The following TRPC1 variants were observed in gnomAD, a reference collection of about 807,000 sequenced individuals.
TRPC1 encodes transient receptor potential cation channel subfamily C member 1.
TRPC1 carries 42 observed loss-of-function variants against 88.2 expected under a neutral mutation model. That is an observed-to-expected ratio of 0.48 (90% CI 0.37 to 0.62). The LOEUF is 0.62. Among genes scored for constraint, TRPC1 ranks in the 20% least tolerant of loss-of-function variants. The pLI, the probability that TRPC1 is intolerant of heterozygous loss-of-function variation, is 0.00. For synonymous variants in TRPC1, 288 were observed against 331.8 expected (o/e 0.87, Z 1.43); for missense variants, 699 against 957.3 (o/e 0.73, Z 3.56).
At chr3:142,793,777 G>T (rs1369586023) in intron 9 of TRPC1, 1 of 834,642 alleles carries the variant, frequency 1.2e-6, no homozygotes, top group Non-Finnish European at 1.4e-6. Flanking sequence ...TAACAATTTA[G>T]ATTGTCTCAT....
chr3:142,758,316 A>G (rs1197605251), intron 4 of TRPC1, among the ~76,000 whole-genome samples: 1 of 152,112 alleles, frequency 6.6e-6, no homozygotes, highest in Non-Finnish European at 1.5e-5. Context: ...TGCCATTCTG[A>G]TACAAACTAT....
intron 1 of TRPC1, among the ~76,000 whole-genome samples, chr3:142,731,507 C>A (rs867866017): frequency 1.3e-5 from 2 of 151,072 alleles, no homozygotes; most frequent in African/African-American, 4.9e-5. Context: ...GCCTCAGCCT[C>A]CCAAGTAGCT....
At chr3:142,758,059 ATTCT>A (rs112425030) in intron 4 of TRPC1, among the ~76,000 whole-genome samples, 34 of 152,162 alleles carry the variant, frequency 2.2e-4, no homozygotes, top group African/African-American at 7.5e-4. Context: ...ACTAGGTCTT[ATTCT>A]TTCTATTTTT....
At chr3:142,739,193 C>T (rs181604008) in intron 2 of TRPC1, among the ~76,000 whole-genome samples, 5 of 152,168 alleles carry the variant, frequency 3.3e-5, no homozygotes, top group East Asian at 3.9e-4. Context: ...AGGCTGGTCT[C>T]GAACTCCTGA....
rs1324003168 is a variant in TRPC1, at chr3:142,724,503, T to TCGGGGC, written c.-53_-48dup. 4 of 1,413,620 alleles carry TCGGGGC rather than the reference T, an allele frequency of 2.8e-6. No homozygotes were observed. Among genetic ancestry groups the TCGGGGC allele is most frequent in the Non-Finnish European group, 3.7e-6 (4 of 1,083,884 alleles). The allele number at this position is 1,413,620 out of a possible 1,614,324, so 87.6% of individuals were successfully genotyped here. ...GGCGTGGCTGGGGTCGGGGTCGGGG[T>TCGGGGC]CGGGGCCGGTGGGGGCCCCGCCCCC... is the stretch of plus-strand genomic sequence containing the variant. On this transcript the variant is annotated 5_prime_UTR_variant, in exon 1 of 13. Transcript: ENST00000476941. The surrounding 1 kb of genome is among the most constrained non-coding windows in gnomAD (Gnocchi z 5.6).
chr3:142,753,150 G>A (rs1934838498), intron 4 of TRPC1, among the ~76,000 whole-genome samples: 1 of 152,216 alleles, frequency 6.6e-6, no homozygotes, highest in African/African-American at 2.4e-5. Flanking sequence ...CTTACAGGTT[G>A]AAGCTAGAGA....
chr3:142,774,967 A>T (rs1306244566), intron 4 of TRPC1, among the ~76,000 whole-genome samples: 2 of 152,188 alleles, frequency 1.3e-5, no homozygotes, highest in African/African-American at 4.8e-5. Flanking sequence ...ATCTTGAGAC[A>T]TGATAAAGTA....
chr3:142,805,042 A>G (rs748022241), intron 12 of TRPC1, among the ~76,000 whole-genome samples: 1 of 151,816 alleles, frequency 6.6e-6, no homozygotes, highest in Non-Finnish European at 1.5e-5. Flanking sequence ...TGGAGGTTGC[A>G]GTGAGCCAGG....
At chr3:142,763,820 T>C (rs1430291262) in intron 4 of TRPC1, among the ~76,000 whole-genome samples, 1 of 151,594 alleles carries the variant, frequency 6.6e-6, no homozygotes, top group Non-Finnish European at 1.5e-5. Context: ...TTTTAATTTA[T>C]TGATGTTTAT....
chr3:142,781,370 G>A (rs1251618860), intron 6 of TRPC1, among the ~76,000 whole-genome samples: 1 of 152,056 alleles, frequency 6.6e-6, no homozygotes, highest in Non-Finnish European at 1.5e-5. Flanking sequence ...CTTTGTAGTA[G>A]GTACAAACTT....
chr3:142,789,440 T>C (rs991410026), intron 7 of TRPC1, among the ~76,000 whole-genome samples: 1 of 152,224 alleles, frequency 6.6e-6, no homozygotes, highest in African/African-American at 2.4e-5. Context: ...ATGTTTTTCC[T>C]GTCAAATCTG....
intron 4 of TRPC1, among the ~76,000 whole-genome samples, chr3:142,753,467 C>CA (rs1560100365): frequency 6.6e-6 from 1 of 152,020 alleles, no homozygotes; most frequent in Non-Finnish European, 1.5e-5. Flanking sequence ...AGGAGGTTAA[C>CA]AAAATTAGTA....
chr3:142,768,513 G>C (rs1935472494), intron 4 of TRPC1, among the ~76,000 whole-genome samples: 1 of 151,962 alleles, frequency 6.6e-6, no homozygotes, highest in Admixed American at 6.6e-5. Flanking sequence ...TGTACTATTG[G>C]ATCTTGCTTT....
chr3:142,801,351 A>G (rs1004507902), intron 9 of TRPC1: 7 of 151,826 alleles, frequency 4.6e-5, no homozygotes, highest in African/African-American at 1.5e-4. Flanking sequence ...CAATGTTGCA[A>G]TGTAAATCCT....
intron 1 of TRPC1, among the ~76,000 whole-genome samples, chr3:142,735,976 A>G (rs541486642): frequency 1.3e-5 from 2 of 152,160 alleles, no homozygotes; most frequent in South Asian, 2.1e-4. Flanking sequence ...GTAAATATCT[A>G]TGTATATTTG....
At chr3:142,790,253 A>C (rs762209368) in intron 7 of TRPC1, among the ~76,000 whole-genome samples, 6 of 152,128 alleles carry the variant, frequency 3.9e-5, no homozygotes, top group Non-Finnish European at 7.3e-5. Flanking sequence ...GGCCAGCGCG[A>C]CTAGAATAGT....
chr3:142,766,129 C>T (rs967412960), intron 4 of TRPC1, among the ~76,000 whole-genome samples: 8 of 151,880 alleles, frequency 5.3e-5, no homozygotes, highest in African/African-American at 1.9e-4. Flanking sequence ...TGATTACTAT[C>T]GCTTTATAGT....
rs182737340 is a variant in TRPC1 at position 142,766,786 on chromosome 3, C to T, written c.633-10846C>T. On this transcript the variant is annotated intron_variant, in intron 4 of 12. Transcript: ENST00000476941. ...TCCTTGCTCCTCAGCCTGCAGACGG[C>T]CTATTGAGGGACCTTGTGATCATGT... is the stretch of plus-strand genomic sequence containing the variant. Among the ~76,000 whole-genome samples, 222 of 152,236 alleles carry T rather than the reference C, an allele frequency of 1.5e-3. 2 individuals are homozygous for T. The highest frequency in any genetic ancestry group is 5.0e-3 in the African/African-American group (209 of 41,546).
chr3:142,757,720 G>A (rs1935027635), intron 4 of TRPC1, among the ~76,000 whole-genome samples: 1 of 152,102 alleles, frequency 6.6e-6, no homozygotes, highest in Non-Finnish European at 1.5e-5. Context: ...TAGATGACAG[G>A]TTGATTGGTG....
Sources: allele counts gnomAD v4.1 joint callset (sites outside exome capture counted in the v4.1 genomes callset), GRCh38; gene constraint gnomAD v4.1.1; non-coding constraint Gnocchi (gnomAD v3.1); transcripts MANE v1.5; gene names NCBI Gene and HGNC (gene_info 2026-07-23, HGNC 2026-07-21).